LARP1B: variants seen among roughly 807,000 people sequenced by gnomAD.
The protein encoded by LARP1B is La ribonucleoprotein 1B.
Under a neutral mutation model 114.2 loss-of-function variants are expected in LARP1B, and 76 were observed. That is an observed-to-expected ratio of 0.67 (90% CI 0.55 to 0.81). LARP1B has a LOEUF of 0.81. LARP1B is among the 30% of genes least tolerant of loss of function. The pLI, the probability that LARP1B is intolerant of heterozygous loss-of-function variation, is 0.00. For missense variants in LARP1B, 1,014 were observed against 1,075.8 expected (o/e 0.94, Z 0.80); for synonymous variants, 345 against 348.0 (o/e 0.99, Z 0.10).
At position 128,136,346 on chromosome 4, in the gene LARP1B, AAAC is replaced by A. The variant is rs558782070; in HGVS notation, c.1524+14161_1524+14163del. ...CAAAAAAACAAAAAAACAAAACAAA[AAAC>A]AAAAAACAAAACTTACATATTAGTA... On this transcript the variant is annotated intron_variant, in intron 11 of 19. Transcript: ENST00000326639. Among the ~76,000 whole-genome samples, 8 of 151,996 alleles carry A rather than the reference AAAC, an allele frequency of 5.3e-5. No individual in the cohort carries two copies. In the South Asian group the frequency reaches 1.7e-3, roughly 31 times the overall value.
At chr4:128,062,207 A>AC in intron 1 of LARP1B, 1 of 985,298 alleles carries the variant, frequency 1.0e-6, no homozygotes, top group Non-Finnish European at 1.2e-6. Context: ...CCCGCTGGAA[A>AC]CCCTGGAGGC....
Position 128,199,536 on chromosome 4 carries a change from C to CT in LARP1B, c.2105dup (p.Leu702PhefsTer21). 1 of 1,601,308 alleles carries CT rather than the reference C, an allele frequency of 6.2e-7. No individual in the cohort carries two copies. The highest frequency in any genetic ancestry group is 8.5e-7 in the Non-Finnish European group (1 of 1,173,110). On this transcript the variant is annotated frameshift_variant, in exon 16 of 20. Transcript: ENST00000326639. LOFTEE classifies it high-confidence loss of function. ...AAAGTTCCAGCATCCTTCTCATGAA[C>CT]TTTTGAAGGAAAATGGCTTTACCCA...
chr4:128,209,931 C>A lies in LARP1B; in HGVS notation c.2623C>A (p.Pro875Thr). The A allele has an allele frequency of 6.2e-7, 1 of 1,613,844 alleles. No individual in the cohort carries two copies. Among genetic ancestry groups the A allele is most frequent in the Non-Finnish European group, 8.5e-7 (1 of 1,179,792 alleles). The part of the protein sequence containing the change: ...SGEESNRHRL[P>T]PNSSTKPPNA... The stretch of plus-strand genomic sequence containing the variant: ...TGAGGAGAGTAATCGTCATAGACTT[C>A]CACCTAATTCCTCTACAAAGCCACC... The change falls in exon 20 of 20, where the codon CCA (proline) becomes ACA (threonine). Residue 875 changes from proline (P) to threonine (T), a missense_variant. Coordinates refer to ENST00000326639, the MANE Select transcript of LARP1B (RefSeq NM_018078.4).
At chr4:128,141,924 C>T (rs1728247977) in intron 11 of LARP1B, among the ~76,000 whole-genome samples, 1 of 152,102 alleles carries the variant, frequency 6.6e-6, no homozygotes, top group South Asian at 2.1e-4. Flanking sequence ...TGAGGCAAGT[C>T]CTTACCTGTA....
Position 128,125,094 on chromosome 4 carries a change from T to G in LARP1B, c.1524+2906T>G, listed in dbSNP as rs1000754600. Among the ~76,000 whole-genome samples, 4 of 152,206 alleles carry G rather than the reference T, an allele frequency of 2.6e-5. 1 individual carries two copies. The highest frequency in any genetic ancestry group is 4.4e-5 in the Non-Finnish European group (3 of 68,040). ...ATAGGCTTATAGGTAAGAAAATATC[T>G]GCTTAAAATCTTTGAAGATATGCTA... On this transcript the variant is annotated intron_variant, in intron 11 of 19. Coordinates refer to ENST00000326639, the MANE Select transcript of LARP1B (RefSeq NM_018078.4).
In LARP1B at chr4:128,069,507, T is replaced by TG. The variant is rs1393413103; in HGVS notation, c.-77-4949dup. On this transcript the variant is annotated intron_variant, in intron 1 of 19. Coordinates refer to ENST00000326639, the MANE Select transcript of LARP1B (RefSeq NM_018078.4). Reference sequence around the variant, plus strand: ...GTGCGCTTTATCAAGCCAGATGGGGTGGGGAGCCCTGTGGAGAGCAGAGAG... The same window carrying TG: ...GTGCGCTTTATCAAGCCAGATGGGGTGGGGGAGCCCTGTGGAGAGCAGAGAG... 4.1e-5 allele frequency: 31 copies of TG among 749,708 alleles called. No individual in the cohort carries two copies. In the Admixed American group the frequency reaches 5.3e-4, roughly 13 times the overall value. The allele number at this position is 749,708 out of a possible 1,614,324, so 46.4% of individuals were successfully genotyped here.
intron 11 of LARP1B, chr4:128,155,453 G>A (rs1735078863): frequency 5.5e-6 from 4 of 733,644 alleles, no homozygotes; most frequent in South Asian, 3.0e-5. Flanking sequence ...GCGACCCCGC[G>A]CAGCCCCCCG....
intron 15 of LARP1B, among the ~76,000 whole-genome samples, chr4:128,188,779 T>TAGATTCCACA (rs1274327170): frequency 6.6e-6 from 1 of 152,256 alleles, no homozygotes; most frequent in African/African-American, 2.4e-5. Context: ...GAGCATGTTG[T>TAGATTCCACA]TTAATTTCCA....
intron 15 of LARP1B, among the ~76,000 whole-genome samples, chr4:128,192,958 G>T (rs192633143): frequency 2.4e-4 from 37 of 151,984 alleles, no homozygotes; most frequent in Admixed American, 1.0e-3. Context: ...TTAACCTCAA[G>T]TATCTGGGAC....
At chr4:128,110,141 A>G (rs1304096032) in intron 9 of LARP1B, among the ~76,000 whole-genome samples, 1 of 152,080 alleles carries the variant, frequency 6.6e-6, no homozygotes. Context: ...TGACCTTGTG[A>G]TCAGCCCACC....
intron 11 of LARP1B, among the ~76,000 whole-genome samples, chr4:128,124,819 A>G (rs949599432): frequency 6.6e-6 from 1 of 152,148 alleles, no homozygotes; most frequent in Admixed American, 6.5e-5. Flanking sequence ...TTGTATAGGA[A>G]AGTGTGTTGT....
At chr4:128,108,746 A>T (rs866412339) in intron 9 of LARP1B, 1 of 985,340 alleles carries the variant, frequency 1.0e-6, no homozygotes. Flanking sequence ...TGATAGTTTT[A>T]GCTAGCTTAT....
At chr4:128,173,122 T>G (rs1744528575) in intron 12 of LARP1B, among the ~76,000 whole-genome samples, 2 of 152,170 alleles carry the variant, frequency 1.3e-5, no homozygotes, top group Non-Finnish European at 2.9e-5. Context: ...GATTTTGTTT[T>G]TTTGCTAGCA....
chr4:128,121,926 A>C lies in LARP1B; in HGVS notation c.1262A>C (p.Gln421Pro). The part of the protein sequence containing the change: ...LDFLFDEEIE[Q>P]IGRKNTFTDW... ...TTTTTGTTTGATGAAGAGATTGAAC[A>C]AATAGGACGAAAAAACACATTTACT... is the stretch of plus-strand genomic sequence containing the variant. The change falls in exon 11 of 20, where the codon CAA (glutamine) becomes CCA (proline). Residue 421 changes from glutamine (Q) to proline (P), a missense_variant. Coordinates refer to ENST00000326639, the MANE Select transcript of LARP1B (RefSeq NM_018078.4). The C allele has an allele frequency of 6.2e-7, 1 of 1,612,814 alleles. No homozygotes were observed. Among genetic ancestry groups the C allele is most frequent in the Non-Finnish European group, 8.5e-7 (1 of 1,179,922 alleles).
At chr4:128,169,014 A>G (rs928339714) in intron 12 of LARP1B, among the ~76,000 whole-genome samples, 3 of 152,190 alleles carry the variant, frequency 2.0e-5, no homozygotes, top group Admixed American at 2.0e-4. Flanking sequence ...CTTTTTTCTC[A>G]GGTGAGCTTT....
intron 9 of LARP1B, among the ~76,000 whole-genome samples, chr4:128,110,638 C>T (rs1384572952): frequency 9.5e-6 from 1 of 105,494 alleles, no homozygotes; most frequent in African/African-American, 3.8e-5. Context: ...GATCCCGCCA[C>T]TGCACTCCAG....
At chr4:128,203,245 A>C (rs1756536328) in intron 17 of LARP1B, among the ~76,000 whole-genome samples, 1 of 152,146 alleles carries the variant, frequency 6.6e-6, no homozygotes, top group Admixed American at 6.6e-5. Context: ...GTTATTGTGA[A>C]GATTACACAA....
chr4:128,116,665 G>T (rs1292391436), intron 10 of LARP1B, among the ~76,000 whole-genome samples: 1 of 152,144 alleles, frequency 6.6e-6, no homozygotes, highest in Non-Finnish European at 1.5e-5. Context: ...AGGAAACATG[G>T]CTTTAGGTTC....
At chr4:128,121,249 G>C (rs189011633) in intron 10 of LARP1B, among the ~76,000 whole-genome samples, 1 of 152,212 alleles carries the variant, frequency 6.6e-6, no homozygotes, top group East Asian at 1.9e-4. Context: ...AAAAAGGTTC[G>C]GAATAGGGAA....
Sources: gnomAD v4.1 joint callset for allele counts (sites outside exome capture counted in the v4.1 genomes callset) on GRCh38, gnomAD v4.1.1 for gene constraint, MANE v1.5 for transcripts, NCBI Gene and HGNC (gene_info 2026-07-23, HGNC 2026-07-21) for gene names.